The following HEATR4 variants were observed in gnomAD, a reference collection of about 807,000 sequenced individuals.
HEATR4 encodes HEAT repeat containing 4.
In HEATR4, 95 loss-of-function variants were observed where a neutral mutation model predicts 108.8. The observed-to-expected ratio is 0.87, with a 90% CI of 0.74 to 1.04. HEATR4 has a LOEUF of 1.04. Among genes scored for constraint, HEATR4 ranks in the 50% least tolerant of loss-of-function variants. The pLI is 0.00. For missense variants in HEATR4, 1,152 were observed against 1,253.8 expected (o/e 0.92, Z 1.23); for synonymous variants, 443 against 459.4 (o/e 0.96, Z 0.46).
At chr14:73,612,245 G>C in the HEATR4 span, among the ~76,000 whole-genome samples, 1 of 152,058 alleles carries the variant, frequency 6.6e-6, no homozygotes, top group East Asian at 1.9e-4. Flanking sequence ...TCACTCTGTT[G>C]GTCAGGCTGG....
upstream of HEATR4, among the ~76,000 whole-genome samples, chr14:73,561,855 C>T (rs747919386): frequency 3.9e-5 from 6 of 151,954 alleles, no homozygotes; most frequent in Non-Finnish European, 5.9e-5. Flanking sequence ...TGAGGTGGCA[C>T]GTGCTTGTCG....
rs1188270828 is a variant in HEATR4 at position 73,549,094 on chromosome 14, G to A, written c.-152+9657C>T. Among the ~76,000 whole-genome samples, 4 of 114,580 alleles carry A rather than the reference G, an allele frequency of 3.5e-5. 1 individual carries two copies. Among genetic ancestry groups the A allele is most frequent in the Admixed American group, 2.0e-4 (2 of 10,194 alleles). The allele number at this position is 114,580 out of a possible 152,430, so 75.2% of individuals were successfully genotyped here. On this transcript the variant is annotated intron_variant, in intron 1 of 17. Transcript: ENST00000553558. ...TAGGAAATCCAAGATCAAGGCACCA[G>A]CAGATCTGGTGTCTGCTGAGGGCCT...
the HEATR4 span, among the ~76,000 whole-genome samples, chr14:73,570,619 A>G: frequency 6.6e-6 from 1 of 151,774 alleles, no homozygotes; most frequent in African/African-American, 2.4e-5. Flanking sequence ...TTAAAAACAA[A>G]ACAGGCCGGG....
At chr14:73,505,991 A>T (rs1886794603) in intron 10 of HEATR4, among the ~76,000 whole-genome samples, 1 of 150,658 alleles carries the variant, frequency 6.6e-6, no homozygotes, top group Non-Finnish European at 1.5e-5. Context: ...CCTGGGTTCA[A>T]GCGATTCTCC....
intron 17 of HEATR4, chr14:73,491,067 A>G (rs10144469): frequency 0.73 from 1,157,892 of 1,592,032 alleles, 423,628 homozygotes; most frequent in East Asian, 0.88. Context: ...GGGCGGCCGA[A>G]GCGCCGGCGC....
chr14:73,514,418 T>A (rs1887463542), intron 5 of HEATR4, among the ~76,000 whole-genome samples, 184 bp from the exon 6 acceptor site: 1 of 151,990 alleles, frequency 6.6e-6, no homozygotes, highest in Admixed American at 6.6e-5. Flanking sequence ...TTATGGAAAG[T>A]CCTGACTAGA....
At chr14:73,605,566 T>A in the HEATR4 span, among the ~76,000 whole-genome samples, 4 of 88,150 alleles carry the variant, frequency 4.5e-5, no homozygotes, top group African/African-American at 2.1e-4. Context: ...CTTTTTTTTT[T>A]TTTTTTTTTT....
At chr14:73,514,503 A>C (rs1228705977) in intron 5 of HEATR4, among the ~76,000 whole-genome samples, 4 of 152,296 alleles carry the variant, frequency 2.6e-5, no homozygotes, top group Admixed American at 2.6e-4. Flanking sequence ...CCTTTCTATA[A>C]GTTTAAAGGT....
Position 73,498,020 on chromosome 14 carries a change from A to G in HEATR4, c.2546+135T>C, listed in dbSNP as rs908569907. 8.3e-6 allele frequency: 6 copies of G among 722,586 alleles called. No individual in the cohort carries two copies. The Admixed American group carries it at 1.4e-4, about 17-fold the overall frequency. The allele number at this position is 722,586 out of a possible 1,614,324, so 44.8% of individuals were successfully genotyped here. A position where few individuals can be genotyped will look rare whatever the true frequency, so the allele number is the denominator to read the frequency against. On this transcript the variant is annotated intron_variant, in intron 14 of 17. Transcript: ENST00000553558. ...AGTTTTTCAGTTACCTACTTGGGTG[A>G]GTGGTGAATGTGCAGGTGAACCAGT...
chr14:73,575,962 G>A, the HEATR4 span, among the ~76,000 whole-genome samples: 3 of 151,688 alleles, frequency 2.0e-5, no homozygotes, highest in Non-Finnish European at 4.4e-5. Context: ...GACCAGTCTG[G>A]CCAACGTGAT....
chr14:73,604,144 G>A, the HEATR4 span, among the ~76,000 whole-genome samples: 48 of 142,692 alleles, frequency 3.4e-4, no homozygotes, highest in East Asian at 0.01. Flanking sequence ...GTAGTTGTAA[G>A]ATTTTTCATT....
rs529727674 is a variant in HEATR4, at chr14:73,551,076, A to T, written c.-152+7675T>A. On this transcript the variant is annotated intron_variant, in intron 1 of 17. Coordinates refer to ENST00000553558, the MANE Select transcript of HEATR4 (RefSeq NM_001220484.1). ...GAGGTTGAGAGGCTGAGGCAGGAGA[A>T]TCACTTGAACCTGGGAGGCACAGGT... Among the ~76,000 whole-genome samples, 10 of 112,958 alleles carry T rather than the reference A, an allele frequency of 8.9e-5. 4 individuals are homozygous for T. The highest frequency in any genetic ancestry group is 2.9e-4 in the African/African-American group (10 of 34,914). 74.1% of individuals were successfully genotyped at this position (112,958 alleles called of 152,430 possible).
intron 17 of HEATR4, among the ~76,000 whole-genome samples, chr14:73,490,515 G>T (rs1433319469): frequency 6.6e-6 from 1 of 152,126 alleles, no homozygotes; most frequent in Non-Finnish European, 1.5e-5. Flanking sequence ...TAGAGACGGG[G>T]TTTCACCGTG....
At chr14:73,518,127 C>T (rs1595127313) in intron 5 of HEATR4, among the ~76,000 whole-genome samples, 1 of 151,740 alleles carries the variant, frequency 6.6e-6, no homozygotes, top group African/African-American at 2.4e-5. Flanking sequence ...TGGCTGTCCA[C>T]AGCTGTCTGG....
chr14:73,612,697 G>A, the HEATR4 span: 3 of 1,401,250 alleles, frequency 2.1e-6, no homozygotes, highest in South Asian at 4.7e-5. Flanking sequence ...GCGACGAAGA[G>A]GGCGCGCTCT....
At chr14:73,566,079 C>G in the HEATR4 span, among the ~76,000 whole-genome samples, 1 of 152,172 alleles carries the variant, frequency 6.6e-6, no homozygotes, top group East Asian at 1.9e-4. Context: ...TTCTCCAAGT[C>G]CCCACCAGAG....
At chr14:73,521,152 G>A (rs772468029) in intron 3 of HEATR4, 113 bp from the exon 4 acceptor site, 55 of 882,826 alleles carry the variant, frequency 6.2e-5, no homozygotes, top group Non-Finnish European at 8.8e-5. Flanking sequence ...TCCTATACAC[G>A]TGAGCATTGC....
At chr14:73,491,681 C>T (rs1436676408) in intron 17 of HEATR4, 2 of 1,549,884 alleles carry the variant, frequency 1.3e-6, no homozygotes, top group South Asian at 2.4e-5. Context: ...TTACCGGCGC[C>T]TATGGGAGCG....
the HEATR4 span, among the ~76,000 whole-genome samples, chr14:73,603,533 T>G: frequency 0.031 from 4,742 of 152,066 alleles, 99 homozygotes; most frequent in South Asian, 0.096. Context: ...TTTTGTATTT[T>G]TAGTATAGAC....
Sources: allele counts gnomAD v4.1 joint callset (sites outside exome capture counted in the v4.1 genomes callset), GRCh38; gene constraint gnomAD v4.1.1; transcripts MANE v1.5; gene names NCBI Gene and HGNC (gene_info 2026-07-23, HGNC 2026-07-21).